Variants in ZNF407 observed in about 807,000 individuals in gnomAD.
ZNF407 encodes zinc finger protein 407.
In ZNF407, 17 loss-of-function variants were observed where a neutral mutation model predicts 131.2. The observed-to-expected ratio is 0.13, with a 90% confidence interval of 0.09 to 0.19. The LOEUF is 0.19. Among genes scored for constraint, ZNF407 ranks in the 10% least tolerant of loss-of-function variants. ZNF407 has a pLI of 1.00. For missense variants in ZNF407, 2,681 were observed against 2,830.6 expected, an observed-to-expected ratio of 0.95 and a Z score of 1.20; for synonymous variants, 1,156 against 1,062.0, an observed-to-expected ratio of 1.09 and a Z score of -1.72.
At chr18:75,003,275 C>G (rs1972869331) in intron 8 of ZNF407, among the ~76,000 whole-genome samples, 1 of 152,176 alleles carries the variant, frequency 6.6e-6, no homozygotes, top group Admixed American at 6.5e-5. Context: ...TCACATGCAC[C>G]ACTGTGACTC....
intron 8 of ZNF407, among the ~76,000 whole-genome samples, chr18:75,029,643 G>C (rs1320979014): frequency 6.6e-6 from 1 of 152,248 alleles, no homozygotes; most frequent in Admixed American, 6.5e-5. Flanking sequence ...GTGCGTGCGT[G>C]TGCATGCGCA....
rs148534110 is a variant in ZNF407 at position 74,913,587 on chromosome 18, G to A, written c.5250-6927G>A. Among the ~76,000 whole-genome samples the A allele has an allele frequency of 2.7e-3, 415 of 152,282 alleles. 3 individuals carry two copies. The highest frequency in any genetic ancestry group is 0.011 in the Admixed American group (171 of 15,302). On this transcript the variant is annotated intron_variant, in intron 7 of 8. Transcript: ENST00000299687. ...TGAAAAAGTAGTGTTTACTTCTCCCGAAAGATTGAGAAGAAGTTAGGGATT... is the reference window on the plus strand; with the variant it reads ...TGAAAAAGTAGTGTTTACTTCTCCCAAAAGATTGAGAAGAAGTTAGGGATT...
chr18:74,972,856 T>G (rs1972487696), intron 8 of ZNF407, among the ~76,000 whole-genome samples: 1 of 152,236 alleles, frequency 6.6e-6, no homozygotes, highest in Non-Finnish European at 1.5e-5. Context: ...GAGCTTCTTC[T>G]GTGCAGTATA....
At chr18:74,901,629 C>T (rs956194804) in intron 7 of ZNF407, among the ~76,000 whole-genome samples, 47 of 152,160 alleles carry the variant, frequency 3.1e-4, no homozygotes, top group Non-Finnish European at 1.5e-4. Flanking sequence ...CCCAAGGGCC[C>T]GTGTGCCATG....
rs201522427 is a variant in ZNF407 at position 74,634,029 on chromosome 18, G to A, written c.3010G>A (p.Asp1004Asn). Reference sequence around the variant, plus strand: ...GCCAGAGGACTTCGCCCAGCCGGGGGATGTGTACTCCCAGAGAGATGTTAC... The same window carrying A: ...GCCAGAGGACTTCGCCCAGCCGGGGAATGTGTACTCCCAGAGAGATGTTAC... ...SEPEDFAQPG[D>N]VYSQRDVTGT... Residue 1004 changes from aspartate to asparagine, a missense_variant, in exon 2 of 9, where the codon GAT (aspartate) becomes AAT (asparagine). Coordinates refer to ENST00000299687, the MANE Select transcript of ZNF407 (RefSeq NM_017757.3). 76 of 1,613,928 alleles carry A rather than the reference G, an allele frequency of 4.7e-5. No homozygotes were observed. The highest frequency in any genetic ancestry group is 5.8e-5 in the Non-Finnish European group (69 of 1,179,900).
chr18:74,653,874 T>G (rs1273643943), intron 3 of ZNF407, among the ~76,000 whole-genome samples: 1 of 151,854 alleles, frequency 6.6e-6, no homozygotes, highest in Non-Finnish European at 1.5e-5. Flanking sequence ...AAAAAATGAA[T>G]TGACATTGTT....
At chr18:74,862,328 A>G (rs1970949058) in intron 4 of ZNF407, among the ~76,000 whole-genome samples, 1 of 152,214 alleles carries the variant, frequency 6.6e-6, no homozygotes, top group African/African-American at 2.4e-5. Context: ...TGGCACACAC[A>G]GTTCCCTGGG....
At chr18:74,852,714 G>A (rs751532069) in intron 4 of ZNF407, among the ~76,000 whole-genome samples, 32 of 152,202 alleles carry the variant, frequency 2.1e-4, no homozygotes, top group Admixed American at 3.3e-4. Flanking sequence ...GCACATTCTC[G>A]TTTTAAATTA....
chr18:75,034,697 C>T (rs1364631764), intron 8 of ZNF407, among the ~76,000 whole-genome samples: 1 of 151,672 alleles, frequency 6.6e-6, no homozygotes, highest in Non-Finnish European at 1.5e-5. Flanking sequence ...TGGTTTAGTT[C>T]TAAATATTTT....
intron 4 of ZNF407, among the ~76,000 whole-genome samples, chr18:74,833,756 G>C (rs1411812889): frequency 6.6e-6 from 1 of 152,194 alleles, no homozygotes; most frequent in East Asian, 1.9e-4. Flanking sequence ...GCTGACTCGG[G>C]CCAGGTGGTG....
At chr18:74,630,264 G>C (rs1015288265) in intron 1 of ZNF407, among the ~76,000 whole-genome samples, 1 of 146,720 alleles carries the variant, frequency 6.8e-6, no homozygotes, top group Non-Finnish European at 1.5e-5. Context: ...TCCGCCTCCC[G>C]GGTTCACGCC....
chr18:74,957,268 G>C (rs1419923184), intron 8 of ZNF407, among the ~76,000 whole-genome samples: 1 of 152,080 alleles, frequency 6.6e-6, no homozygotes. Context: ...TTCTACCATG[G>C]GGGCAACCGG....
intron 3 of ZNF407, among the ~76,000 whole-genome samples, chr18:74,652,456 C>T (rs77262618): frequency 0.017 from 2,578 of 151,940 alleles, 58 homozygotes; most frequent in East Asian, 0.12. Context: ...GTGGAACTTA[C>T]GGTATTTTAA....
rs146021661 is a variant in ZNF407, at chr18:74,750,360, T to C, written c.4803-31068T>C. ...TAAATGAGTGGTGCAGTATGTTCTT[T>C]TTCAGCTGAGGGAAAGTCATTTACT... On this transcript the variant is annotated intron_variant, in intron 3 of 8. Transcript: ENST00000299687. Among the ~76,000 whole-genome samples the C allele has an allele frequency of 4.3e-3, 662 of 152,330 alleles. 4 individuals carry two copies. The highest frequency in any genetic ancestry group is 0.015 in the African/African-American group (635 of 41,566).
At chr18:74,605,186 G>A (rs1054367762) in intron 1 of ZNF407, among the ~76,000 whole-genome samples, 3 of 151,848 alleles carry the variant, frequency 2.0e-5, no homozygotes, top group Admixed American at 6.6e-5. Context: ...ACATTCCGGC[G>A]GTGACTTCAG....
At chr18:74,615,419 T>C (rs1347418176) in intron 1 of ZNF407, among the ~76,000 whole-genome samples, 1 of 152,172 alleles carries the variant, frequency 6.6e-6, no homozygotes, top group Non-Finnish European at 1.5e-5. Flanking sequence ...ACAGGAGAAT[T>C]GCTTGAACCC....
At position 74,604,292 on chromosome 18, in the gene ZNF407, G is replaced by A. The variant is rs546410450; in HGVS notation, c.-54+6355G>A. Reference sequence around the variant, plus strand: ...CCTTGTTAGCTTTTGGTTTGCATCCGTGTGGCAAGTTCCCTTCTCCCTATC... The same window carrying A: ...CCTTGTTAGCTTTTGGTTTGCATCCATGTGGCAAGTTCCCTTCTCCCTATC... On this transcript the variant is annotated intron_variant, in intron 1 of 8. Transcript: ENST00000299687. Among the ~76,000 whole-genome samples the A allele has an allele frequency of 4.6e-5, 7 of 152,242 alleles. No homozygotes were observed. In the South Asian group the frequency reaches 8.3e-4, roughly 18 times the overall value.
chr18:74,804,826 G>T (rs1346937786), intron 4 of ZNF407, among the ~76,000 whole-genome samples: 1 of 152,172 alleles, frequency 6.6e-6, no homozygotes, highest in Non-Finnish European at 1.5e-5. Context: ...CTAAGCATGT[G>T]CTTGCTTTCT....
At chr18:74,639,989 G>T (rs1016142983) in intron 2 of ZNF407, among the ~76,000 whole-genome samples, 2 of 151,766 alleles carry the variant, frequency 1.3e-5, no homozygotes, top group Admixed American at 1.3e-4. Flanking sequence ...CATATTTCGT[G>T]TTCTATCTAA....
Sources: gnomAD v4.1 joint callset for allele counts (sites outside exome capture counted in the v4.1 genomes callset) on GRCh38, gnomAD v4.1.1 for gene constraint, MANE v1.5 for transcripts, NCBI Gene and HGNC (gene_info 2026-07-23, HGNC 2026-07-21) for gene names.